Variants in CSNK1G3 observed in about 807,000 individuals in gnomAD.
The protein encoded by CSNK1G3 is casein kinase 1 gamma 3.
CSNK1G3 carries 23 observed loss-of-function variants against 64.3 expected under a neutral mutation model. That is an observed-to-expected ratio of 0.36 (90% CI 0.26 to 0.51). The LOEUF (loss-of-function observed/expected upper bound fraction) is 0.51, where lower values mean the gene tolerates loss of function less well. Ranked by LOEUF, CSNK1G3 falls within the 20% of genes least tolerant of loss-of-function variation. The probability of loss-of-function intolerance (pLI) is 0.96; values close to 1 mark genes in which losing one functional copy is unlikely to be tolerated. For synonymous variants in CSNK1G3, 158 were observed against 162.2 expected (o/e 0.97, Z 0.20); for missense variants, 357 against 510.5 (o/e 0.70, Z 2.90).
chr5:123,519,856 T>C (rs1561443047), intron 1 of CSNK1G3, among the ~76,000 whole-genome samples: 1 of 152,210 alleles, frequency 6.6e-6, no homozygotes, highest in South Asian at 2.1e-4. Flanking sequence ...AGTGGAGTGC[T>C]CTTTCTGAGT....
intron 1 of CSNK1G3, among the ~76,000 whole-genome samples, chr5:123,517,524 G>GA (rs148111252): frequency 2.7e-4 from 40 of 147,014 alleles, no homozygotes; most frequent in African/African-American, 7.3e-4. Flanking sequence ...AATGATTAGG[G>GA]AAAAAAAAAC....
intron 1 of CSNK1G3, among the ~76,000 whole-genome samples, chr5:123,513,533 T>C (rs1776622745): frequency 6.6e-6 from 1 of 152,222 alleles, no homozygotes; most frequent in Non-Finnish European, 1.5e-5. Flanking sequence ...TTAAATCTTC[T>C]ATTAAAATAT....
At chr5:123,547,022 A>G (rs1354207602) in intron 2 of CSNK1G3, among the ~76,000 whole-genome samples, 1 of 152,130 alleles carries the variant, frequency 6.6e-6, no homozygotes, top group Non-Finnish European at 1.5e-5. Flanking sequence ...ATTGTTTCAG[A>G]CTTTGGAGTT....
intron 6 of CSNK1G3, among the ~76,000 whole-genome samples, chr5:123,577,124 C>T (rs1581232172): frequency 6.6e-6 from 1 of 152,072 alleles, no homozygotes; most frequent in East Asian, 1.9e-4. Flanking sequence ...TTGACATGTT[C>T]TCATGAATCT....
chr5:123,568,957 T>C (rs1787520201), intron 4 of CSNK1G3, among the ~76,000 whole-genome samples: 1 of 152,228 alleles, frequency 6.6e-6, no homozygotes, highest in African/African-American at 2.4e-5. Flanking sequence ...TAAAATGATG[T>C]ATAACATGAC....
chr5:123,547,520 A>G (rs2150293828), intron 2 of CSNK1G3, among the ~76,000 whole-genome samples: 1 of 152,300 alleles, frequency 6.6e-6, no homozygotes, highest in African/African-American at 2.4e-5. Flanking sequence ...GAAATATGAG[A>G]AACTGTATGT....
At chr5:123,527,542 C>T (rs1001785948) in intron 1 of CSNK1G3, among the ~76,000 whole-genome samples, 3 of 152,138 alleles carry the variant, frequency 2.0e-5, no homozygotes, top group African/African-American at 7.2e-5. Flanking sequence ...TAAGTCTGTT[C>T]TATGAGGAGA....
intron 4 of CSNK1G3, among the ~76,000 whole-genome samples, chr5:123,567,613 A>C (rs938553476): frequency 6.6e-6 from 1 of 152,204 alleles, no homozygotes; most frequent in African/African-American, 2.4e-5. Flanking sequence ...TTTAAAAAAA[A>C]ATATTTTAAA....
chr5:123,532,005 A>G (rs550092560), intron 1 of CSNK1G3, among the ~76,000 whole-genome samples: 1 of 151,950 alleles, frequency 6.6e-6, no homozygotes, highest in East Asian at 1.9e-4. Flanking sequence ...TCTGTGAGGG[A>G]AATTTTCAGT....
intron 10 of CSNK1G3, among the ~76,000 whole-genome samples, chr5:123,602,948 T>C (rs1323407415): frequency 1.3e-5 from 2 of 152,152 alleles, no homozygotes; most frequent in Non-Finnish European, 2.9e-5. Context: ...TAGATGCTAC[T>C]GTTCACCATT....
At chr5:123,525,402 C>T (rs148124093) in intron 1 of CSNK1G3, among the ~76,000 whole-genome samples, 1 of 151,518 alleles carries the variant, frequency 6.6e-6, no homozygotes, top group Non-Finnish European at 1.5e-5. Context: ...ACCTCTGTCT[C>T]CGGGTTCAAG....
At chr5:123,531,331 T>G (rs1561464713) in intron 1 of CSNK1G3, among the ~76,000 whole-genome samples, 1 of 152,070 alleles carries the variant, frequency 6.6e-6, no homozygotes, top group Non-Finnish European at 1.5e-5. Flanking sequence ...GACTAAGACT[T>G]AAGACTTAGT....
chr5:123,612,680 G>A (rs953312502), intron 12 of CSNK1G3, among the ~76,000 whole-genome samples: 1 of 152,154 alleles, frequency 6.6e-6, no homozygotes, highest in Admixed American at 6.5e-5. Context: ...GTTTTACCAT[G>A]TTGGTCAGGC....
chr5:123,537,684 A>T (rs189067479), intron 1 of CSNK1G3, among the ~76,000 whole-genome samples: 1 of 152,304 alleles, frequency 6.6e-6, no homozygotes, highest in Admixed American at 6.5e-5. Context: ...TGTTTTTAAA[A>T]ATCATATTTT....
At chr5:123,541,211 C>T (rs577400405) in intron 1 of CSNK1G3, among the ~76,000 whole-genome samples, 43 of 151,746 alleles carry the variant, frequency 2.8e-4, no homozygotes, top group Admixed American at 7.9e-4. Context: ...TTTGTTTTGC[C>T]TCGTTTTGCT....
At chr5:123,598,798 A>G (rs1381167082) in intron 10 of CSNK1G3, among the ~76,000 whole-genome samples, 1 of 152,150 alleles carries the variant, frequency 6.6e-6, no homozygotes, top group East Asian at 1.9e-4. Context: ...AGTGTTTTCT[A>G]AAGATTGCGT....
At chr5:123,538,159 G>A (rs949517904) in intron 1 of CSNK1G3, among the ~76,000 whole-genome samples, 1 of 152,138 alleles carries the variant, frequency 6.6e-6, no homozygotes, top group Non-Finnish European at 1.5e-5. Flanking sequence ...AAGTCTTTTT[G>A]TAAACATACA....
At chr5:123,581,871 C>CT (rs1201661653) in intron 6 of CSNK1G3, among the ~76,000 whole-genome samples, 3 of 151,362 alleles carry the variant, frequency 2.0e-5, no homozygotes, top group Non-Finnish European at 4.4e-5. Flanking sequence ...TAATTTTTAT[C>CT]TTTTTTTTAC....
chr5:123,523,304 C>T (rs1334951384), intron 1 of CSNK1G3, among the ~76,000 whole-genome samples: 1 of 151,966 alleles, frequency 6.6e-6, no homozygotes, highest in African/African-American at 2.4e-5. Context: ...CACATAAATA[C>T]ACTATGATAA....
Sources: allele counts gnomAD v4.1 joint callset (sites outside exome capture counted in the v4.1 genomes callset), GRCh38; gene constraint gnomAD v4.1.1; transcripts MANE v1.5; gene names NCBI Gene and HGNC (gene_info 2026-07-23, HGNC 2026-07-21).